The following NRG1 variants were observed in gnomAD, a reference collection of about 807,000 sequenced individuals.
The protein encoded by NRG1 is pro-neuregulin-1, membrane-bound isoform.
NRG1 carries 18 observed loss-of-function variants against 63.8 expected under a neutral mutation model. The ratio of observed to expected loss-of-function variants is 0.28; its 90% CI spans 0.19 to 0.42. NRG1 has a LOEUF of 0.42. Ranked by LOEUF, NRG1 falls within the 10% of genes least tolerant of loss-of-function variation. NRG1 has a pLI of 1.00. For synonymous variants in NRG1, 302 were observed against 301.3 expected (o/e 1.00, Z -0.02); for missense variants, 762 against 814.7 (o/e 0.94, Z 0.79).
intron 5 of NRG1, among the ~76,000 whole-genome samples, chr8:32,684,905 T>G (rs2128923809): frequency 6.6e-6 from 1 of 152,276 alleles, no homozygotes; most frequent in Non-Finnish European, 1.5e-5. Flanking sequence ...AGCTGAAAAT[T>G]TAAATATATT....
intron 1 of NRG1, among the ~76,000 whole-genome samples, chr8:32,503,877 G>A (rs1307922223): frequency 1.3e-5 from 2 of 152,086 alleles, no homozygotes; most frequent in Non-Finnish European, 2.9e-5. Context: ...TCTGACTTGG[G>A]GTTTTATACG....
chr8:31,913,677 C>T (rs1243585423), intron 1 of NRG1, among the ~76,000 whole-genome samples: 1 of 152,066 alleles, frequency 6.6e-6, no homozygotes, highest in Non-Finnish European at 1.5e-5. Context: ...ATATTCAAGT[C>T]ACTCTTAGGC....
At chr8:32,311,134 GTCAT>G (rs1304114231) in intron 1 of NRG1, among the ~76,000 whole-genome samples, 2 of 152,102 alleles carry the variant, frequency 1.3e-5, no homozygotes, top group African/African-American at 4.8e-5. Flanking sequence ...CACTCATTCA[GTCAT>G]TCATTCATTC....
chr8:32,011,747 G>T (rs1282134020), intron 1 of NRG1, among the ~76,000 whole-genome samples: 1 of 152,022 alleles, frequency 6.6e-6, no homozygotes, highest in Non-Finnish European at 1.5e-5. Flanking sequence ...AGGCATGCCT[G>T]GTCTTTTCAC....
chr8:31,639,499 A>G (rs917925450), intron 1 of NRG1: 1 of 1,525,380 alleles, frequency 6.6e-7, no homozygotes, highest in African/African-American at 1.4e-5. Flanking sequence ...CAGGCACGCA[A>G]CTCCGCCTCC....
intron 1 of NRG1, among the ~76,000 whole-genome samples, chr8:32,542,144 T>C (rs4489283): frequency 0.6 from 90,687 of 151,960 alleles, 27,302 homozygotes; most frequent in East Asian, 0.74. Context: ...AGCCAATGAA[T>C]GTAATCTACA....
chr8:32,591,795 G>A (rs957914187), intron 1 of NRG1, among the ~76,000 whole-genome samples: 6 of 152,050 alleles, frequency 3.9e-5, no homozygotes, highest in African/African-American at 7.2e-5. Flanking sequence ...CCTTGAGAGC[G>A]GAGGGTGAGA....
intron 1 of NRG1, among the ~76,000 whole-genome samples, chr8:32,357,159 A>G (rs1331793697): frequency 1.3e-5 from 2 of 152,212 alleles, no homozygotes; most frequent in Non-Finnish European, 2.9e-5. Context: ...GAGCCCCCAT[A>G]CAGACCTTCT....
chr8:32,647,545 G>A (rs1853882722), intron 5 of NRG1: 1 of 985,212 alleles, frequency 1.0e-6, no homozygotes, highest in South Asian at 4.7e-5. Flanking sequence ...TAGTTGCTAG[G>A]AGCTTTTCTT....
intron 1 of NRG1, among the ~76,000 whole-genome samples, chr8:32,205,927 T>A (rs1431729353): frequency 4.6e-5 from 5 of 108,460 alleles, no homozygotes; most frequent in African/African-American, 1.7e-4. Flanking sequence ...ACCAAGACCA[T>A]CTCTCTACAA....
chr8:31,824,809 C>T lies in NRG1; in HGVS notation c.37+185378C>T, dbSNP rs530719495. ...AATTTGCAGTGAGTTTCAGCATACACACATACACAACACAGACCATATGTG... is the reference window on the plus strand; with the variant it reads ...AATTTGCAGTGAGTTTCAGCATACATACATACACAACACAGACCATATGTG... On this transcript the variant is annotated intron_variant, in intron 1 of 10. Transcript: ENST00000519301. 6.6e-5 allele frequency among the ~76,000 whole-genome samples: 10 copies of T among 152,284 alleles called. No homozygotes were observed. In the South Asian group the frequency reaches 1.9e-3, roughly 28 times the overall value.
rs138299142 is a variant in NRG1 at position 32,448,861 on chromosome 8, T to C, written c.38-146967T>C. Among the ~76,000 whole-genome samples the C allele has an allele frequency of 2.1e-3, 326 of 152,264 alleles. 2 individuals are homozygous for C. Among genetic ancestry groups the C allele is most frequent in the African/African-American group, 7.5e-3 (312 of 41,550 alleles). ...TCTGGCTTCTTCTTAAAGGTCATCA[T>C]CATGTTGAATTATCTTGAGAAAATC... On this transcript the variant is annotated intron_variant, in intron 1 of 10. Coordinates refer to the NRG1 transcript ENST00000519301.
chr8:32,285,731 T>C (rs537302779), intron 1 of NRG1, among the ~76,000 whole-genome samples: 31 of 152,302 alleles, frequency 2.0e-4, no homozygotes, highest in African/African-American at 7.5e-4. Flanking sequence ...AGGTGATGTT[T>C]TTATTAGTAC....
At chr8:32,706,552 G>GGTGTGT (rs10604171) in intron 5 of NRG1, among the ~76,000 whole-genome samples, 2 of 150,718 alleles carry the variant, frequency 1.3e-5, no homozygotes, top group Non-Finnish European at 1.5e-5. Flanking sequence ...GGTATATATA[G>GGTGTGT]GTGTGTGTGT....
intron 1 of NRG1, among the ~76,000 whole-genome samples, chr8:32,274,368 T>C (rs1260545070): frequency 2.0e-5 from 3 of 152,174 alleles, no homozygotes; most frequent in African/African-American, 7.2e-5. Context: ...AAATTGAGTT[T>C]AGGGTAAGTA....
chr8:32,071,947 T>C (rs180680670), intron 1 of NRG1, among the ~76,000 whole-genome samples: 27 of 152,312 alleles, frequency 1.8e-4, no homozygotes, highest in African/African-American at 6.3e-4. Flanking sequence ...AGACGAAGTG[T>C]ATGAGGACAT....
chr8:31,763,492 C>T (rs73673307), intron 1 of NRG1, among the ~76,000 whole-genome samples: 23,735 of 152,166 alleles, frequency 0.16, 2,154 homozygotes, highest in East Asian at 0.2. Context: ...TAGCTTCCCC[C>T]TTTCCATGTT....
intron 1 of NRG1, among the ~76,000 whole-genome samples, chr8:32,482,891 G>C (rs1031803216): frequency 6.6e-6 from 1 of 152,212 alleles, no homozygotes; most frequent in African/African-American, 2.4e-5. Flanking sequence ...TCTTACACCA[G>C]GTTGATGTTA....
Position 32,503,953 on chromosome 8 carries a change from A to G in NRG1, c.38-91875A>G, listed in dbSNP as rs1300350095. 2.4e-4 allele frequency among the ~76,000 whole-genome samples: 36 copies of G among 152,284 alleles called. 1 individual carries two copies. Among genetic ancestry groups the G allele is most frequent in the Non-Finnish European group, 7.4e-5 (5 of 68,020 alleles). On this transcript the variant is annotated intron_variant, in intron 1 of 10. Coordinates refer to the NRG1 transcript ENST00000519301. ...TCTTTCCTTGGGGTGGGCTGTCCAC[A>G]TGCTCAGTGGCTTGCCAGCACTTCA...
Sources: gnomAD v4.1 joint callset for allele counts (sites outside exome capture counted in the v4.1 genomes callset) on GRCh38, gnomAD v4.1.1 for gene constraint, MANE v1.5 for transcripts, NCBI Gene and HGNC (gene_info 2026-07-23, HGNC 2026-07-21) for gene names.